The following NELL2 variants were observed in gnomAD, a reference collection of about 807,000 sequenced individuals.
NELL2 encodes the protein protein kinase C-binding protein NELL2.
In NELL2, 41 loss-of-function variants were observed where a neutral mutation model predicts 109.6. That is an observed-to-expected ratio of 0.37 (90% CI 0.29 to 0.49). NELL2 has a LOEUF of 0.49. Among genes scored for constraint, NELL2 ranks in the 20% least tolerant of loss-of-function variants. The pLI is 0.98. For synonymous variants in NELL2, 355 were observed against 344.7 expected, an observed-to-expected ratio of 1.03 and a Z score of -0.33; for missense variants, 900 against 1,008.3, an observed-to-expected ratio of 0.89 and a Z score of 1.45.
At chr12:44,822,938 G>C (rs1319225091) in intron 2 of NELL2, among the ~76,000 whole-genome samples, 1 of 152,052 alleles carries the variant, frequency 6.6e-6, no homozygotes, top group African/African-American at 2.4e-5. Flanking sequence ...AACAAAGAAA[G>C]GCAGGGGGAG....
intron 2 of NELL2, among the ~76,000 whole-genome samples, chr12:44,829,989 A>G (rs1943836531): frequency 6.6e-6 from 1 of 152,234 alleles, no homozygotes; most frequent in South Asian, 2.1e-4. Context: ...TGTTCTTTCA[A>G]AAAACTGGTT....
intron 13 of NELL2, among the ~76,000 whole-genome samples, chr12:44,653,468 A>G (rs1289573494): frequency 6.6e-6 from 1 of 152,184 alleles, no homozygotes; most frequent in Non-Finnish European, 1.5e-5. Context: ...TGGACAAACT[A>G]AAGAGATTCT....
At chr12:44,695,237 T>C (rs925388540) in intron 12 of NELL2, among the ~76,000 whole-genome samples, 1 of 141,712 alleles carries the variant, frequency 7.1e-6, no homozygotes, top group Non-Finnish European at 1.5e-5. Context: ...ATTTCTCTAA[T>C]GGCAATGAGC....
intron 3 of NELL2, among the ~76,000 whole-genome samples, chr12:44,797,559 C>T (rs1404844413): frequency 6.6e-6 from 1 of 151,244 alleles, no homozygotes; most frequent in Non-Finnish European, 1.5e-5. Context: ...GACAACTTGG[C>T]CAGTTGTGTA....
intron 13 of NELL2, among the ~76,000 whole-genome samples, chr12:44,643,062 C>G (rs543258256): frequency 6.6e-6 from 1 of 152,158 alleles, no homozygotes; most frequent in African/African-American, 2.4e-5. Context: ...TTCTCATATA[C>G]TTCTGATAAA....
intron 12 of NELL2, among the ~76,000 whole-genome samples, chr12:44,694,966 T>C (rs78923058): frequency 6.6e-6 from 1 of 150,488 alleles, no homozygotes; most frequent in Non-Finnish European, 1.5e-5. Context: ...ACTAAACAAG[T>C]TAGTTGTGAG....
intron 15 of NELL2, among the ~76,000 whole-genome samples, chr12:44,567,329 A>G (rs1163631565): frequency 6.6e-6 from 1 of 152,222 alleles, no homozygotes; most frequent in South Asian, 2.1e-4. Context: ...ATGCTAATGG[A>G]ATTCTCCTGT....
At chr12:44,604,538 C>T (rs1945325988) in intron 15 of NELL2, among the ~76,000 whole-genome samples, 1 of 152,092 alleles carries the variant, frequency 6.6e-6, no homozygotes. Flanking sequence ...TTTATTTATT[C>T]ACCAAATATT....
chr12:44,635,587 TG>T (rs1946609156), intron 13 of NELL2, among the ~76,000 whole-genome samples: 1 of 152,160 alleles, frequency 6.6e-6, no homozygotes, highest in African/African-American at 2.4e-5. Flanking sequence ...AAAGATCAGA[TG>T]GTTGCAGATG....
intron 2 of NELL2, among the ~76,000 whole-genome samples, chr12:44,848,736 C>A (rs1411496744): frequency 1.3e-5 from 2 of 152,098 alleles, no homozygotes; most frequent in Admixed American, 6.6e-5. Context: ...AGACTGATCA[C>A]TACTTCACAT....
intron 2 of NELL2, among the ~76,000 whole-genome samples, chr12:44,849,466 T>C (rs533553178): frequency 6.6e-6 from 1 of 152,230 alleles, no homozygotes; most frequent in South Asian, 2.1e-4. Flanking sequence ...GAATGAAATA[T>C]CTCTTCATAC....
Position 44,517,146 on chromosome 12 carries a change from T to C in NELL2, c.2400+2859A>G, listed in dbSNP as rs1434445756. On this transcript the variant is annotated intron_variant, in intron 19 of 19. Transcript: ENST00000429094. ...TTCCCTCAAATTGTTATTTAGTCAT[T>C]CCATTATTTGTGAAATAATGTTTTC... Among the ~76,000 whole-genome samples the C allele has an allele frequency of 2.6e-5, 4 of 152,248 alleles. No individual in the cohort carries two copies. In the East Asian group the frequency reaches 7.7e-4, roughly 29 times the overall value.
At chr12:44,714,063 T>A (rs773636272) in intron 10 of NELL2, among the ~76,000 whole-genome samples, 1 of 151,858 alleles carries the variant, frequency 6.6e-6, no homozygotes, top group Non-Finnish European at 1.5e-5. Context: ...AAGACAAACA[T>A]GAAAAGTGTT....
At chr12:44,659,428 A>C (rs926799514) in intron 13 of NELL2, among the ~76,000 whole-genome samples, 4 of 152,214 alleles carry the variant, frequency 2.6e-5, no homozygotes, top group African/African-American at 9.7e-5. Context: ...AATGGGAGAA[A>C]ATTTATACAA....
chr12:44,550,530 TGA>T (rs1299173337), intron 15 of NELL2, among the ~76,000 whole-genome samples: 4 of 146,498 alleles, frequency 2.7e-5, no homozygotes, highest in Non-Finnish European at 6.0e-5. Context: ...GGCAACAGAG[TGA>T]GACTCCATCT....
chr12:44,836,212 G>A (rs905231479), intron 2 of NELL2, among the ~76,000 whole-genome samples: 3 of 152,176 alleles, frequency 2.0e-5, no homozygotes, highest in Non-Finnish European at 2.9e-5. Context: ...GTAACAGCAC[G>A]GGGCTTTTCT....
chr12:44,717,294 T>C (rs1938540040), intron 9 of NELL2, among the ~76,000 whole-genome samples: 1 of 152,184 alleles, frequency 6.6e-6, no homozygotes. Flanking sequence ...AGGAGTTTTC[T>C]AAGAGAAGAC....
chr12:44,520,597 G>GCTATT (rs1941482670), intron 18 of NELL2, among the ~76,000 whole-genome samples: 1 of 151,960 alleles, frequency 6.6e-6, no homozygotes, highest in South Asian at 2.1e-4. Flanking sequence ...TCATTCTTTT[G>GCTATT]CTATTTTTTC....
At chr12:44,603,416 T>G (rs2060898) in intron 15 of NELL2, among the ~76,000 whole-genome samples, 3,321 of 151,864 alleles carry the variant, frequency 0.022, 48 homozygotes, top group Middle Eastern at 0.071. Context: ...TATAATAAGA[T>G]AGCTTTGTAT....
Sources: allele counts gnomAD v4.1 joint callset (sites outside exome capture counted in the v4.1 genomes callset), GRCh38; gene constraint gnomAD v4.1.1; transcripts MANE v1.5; gene names NCBI Gene and HGNC (gene_info 2026-07-23, HGNC 2026-07-21).